The following FBXL20 variants were observed in gnomAD, a reference collection of about 807,000 sequenced individuals.
The protein encoded by FBXL20 is F-box/LRR-repeat protein 20.
FBXL20 carries 11 observed loss-of-function variants against 64.0 expected under a neutral mutation model. That is an observed-to-expected ratio of 0.17 (90% CI 0.11 to 0.28). FBXL20 has a LOEUF of 0.28. Ranked by LOEUF, FBXL20 falls within the 10% of genes least tolerant of loss-of-function variation. The pLI, the probability that FBXL20 is intolerant of heterozygous loss-of-function variation, is 1.00. For synonymous variants in FBXL20, 184 were observed against 189.0 expected (o/e 0.97, Z 0.22); for missense variants, 303 against 526.2 (o/e 0.58, Z 4.15).
chr17:39,392,403 G>A (rs1193350770), intron 1 of FBXL20, among the ~76,000 whole-genome samples: 11 of 137,848 alleles, frequency 8.0e-5, no homozygotes, highest in Admixed American at 1.6e-4. Context: ...TCACACCACC[G>A]AATCCCAGCC....
intron 1 of FBXL20, among the ~76,000 whole-genome samples, chr17:39,343,748 T>C (rs1041412048): frequency 6.7e-6 from 1 of 148,830 alleles, no homozygotes. Context: ...CAGTCTGGAG[T>C]ACAGTGGCAT....
chr17:39,327,264 T>G (rs1375749727), intron 2 of FBXL20, among the ~76,000 whole-genome samples: 1 of 152,142 alleles, frequency 6.6e-6, no homozygotes, highest in Non-Finnish European at 1.5e-5. Context: ...CTGAACTCAA[T>G]ATTTTCTTTG....
intron 8 of FBXL20, 152 bp from the exon 9 acceptor site, chr17:39,281,615 C>G: frequency 1.8e-6 from 1 of 548,996 alleles, no homozygotes; most frequent in Middle Eastern, 4.3e-4. Flanking sequence ...GATCATATAA[C>G]AGTATAATTC....
intron 2 of FBXL20, among the ~76,000 whole-genome samples, chr17:39,319,794 A>AATAGAGACCGG (rs1282919544): frequency 6.6e-6 from 1 of 151,912 alleles, no homozygotes; most frequent in Non-Finnish European, 1.5e-5. Context: ...TTATTTTTAA[A>AATAGAGACCGG]ATAGAGACCG....
intron 1 of FBXL20, among the ~76,000 whole-genome samples, chr17:39,344,966 C>A (rs1597809861): frequency 1.3e-5 from 2 of 152,198 alleles, no homozygotes; most frequent in East Asian, 3.9e-4. Flanking sequence ...TTAACGAGAG[C>A]CACCATTTTT....
intron 2 of FBXL20, among the ~76,000 whole-genome samples, chr17:39,339,531 T>C (rs1269835588): frequency 6.6e-6 from 1 of 152,184 alleles, no homozygotes; most frequent in African/African-American, 2.4e-5. Context: ...AATCCTGTTC[T>C]TAGAAGAGCA....
At chr17:39,379,179 C>G (rs904708843) in intron 1 of FBXL20, among the ~76,000 whole-genome samples, 1 of 149,424 alleles carries the variant, frequency 6.7e-6, no homozygotes, top group African/African-American at 2.4e-5. Context: ...TGAGCCGACT[C>G]CAGCCTGGGC....
At chr17:39,331,394 C>T (rs560929425) in intron 2 of FBXL20, among the ~76,000 whole-genome samples, 48 of 152,288 alleles carry the variant, frequency 3.2e-4, no homozygotes, top group Middle Eastern at 6.8e-3. Flanking sequence ...AGGTATCATG[C>T]TCAGCCTAAT....
chr17:39,270,983 A>G (rs1597763516), intron 10 of FBXL20, 127 bp from the exon 11 acceptor site: 3 of 728,118 alleles, frequency 4.1e-6, no homozygotes, highest in Non-Finnish European at 6.6e-6. Flanking sequence ...ATAGAATGAC[A>G]TTAACAACTA....
intron 1 of FBXL20, among the ~76,000 whole-genome samples, chr17:39,389,005 G>A (rs998132865): frequency 4.0e-5 from 6 of 149,004 alleles, no homozygotes; most frequent in South Asian, 2.1e-4. Flanking sequence ...TAGGGAGGCT[G>A]AGGCAGGAGA....
At chr17:39,349,498 G>T (rs1783970932) in intron 1 of FBXL20, among the ~76,000 whole-genome samples, 1 of 151,796 alleles carries the variant, frequency 6.6e-6, no homozygotes, top group Non-Finnish European at 1.5e-5. Flanking sequence ...TGAGGCAGGA[G>T]GATAGCTTGA....
chr17:39,282,117 C>A (rs988323730), intron 8 of FBXL20, among the ~76,000 whole-genome samples: 5 of 152,120 alleles, frequency 3.3e-5, no homozygotes, highest in African/African-American at 1.2e-4. Flanking sequence ...GTTTTAGTAA[C>A]CATTAATAAA....
At position 39,259,146 on chromosome 17, in the gene FBXL20, A is replaced by G. The variant is rs181091317; in HGVS notation, c.*2314T>C. 9.3e-4 allele frequency: 142 copies of G among 152,248 alleles called. No homozygotes were observed. The highest frequency in any genetic ancestry group is 3.2e-3 in the African/African-American group (131 of 41,544). 9.4% of individuals were successfully genotyped at this position (152,248 alleles called of 1,614,324 possible). The stretch of plus-strand genomic sequence containing the variant: ...AGACTTTATTCTTATATATGCTGGT[A>G]TAATCAGCAACTGCAGCATTAAAAC... On this transcript the variant is annotated 3_prime_UTR_variant, in exon 15 of 15. Coordinates refer to ENST00000264658, the MANE Select transcript of FBXL20 (RefSeq NM_032875.3).
intron 6 of FBXL20, among the ~76,000 whole-genome samples, 197 bp from the exon 7 acceptor site, chr17:39,285,770 T>A (rs2046983675): frequency 6.6e-6 from 1 of 152,184 alleles, no homozygotes; most frequent in African/African-American, 2.4e-5. Flanking sequence ...GAAAAAAGGC[T>A]GTGCTGCATA....
intron 1 of FBXL20, among the ~76,000 whole-genome samples, chr17:39,364,250 C>T (rs1206414469): frequency 6.6e-6 from 1 of 152,110 alleles, no homozygotes; most frequent in Non-Finnish European, 1.5e-5. Flanking sequence ...TTGCTTCTCC[C>T]TTCAAAAGAT....
Position 39,259,535 on chromosome 17 carries a change from G to A in FBXL20, c.*1925C>T, listed in dbSNP as rs963765747. On this transcript the variant is annotated 3_prime_UTR_variant, in exon 15 of 15. Coordinates refer to ENST00000264658, the MANE Select transcript of FBXL20 (RefSeq NM_032875.3). ...CCTCTGATTTTTTGGGAAGACAGAG[G>A]GTGCTTCTTCTTGGACTCTTGAGTC... 6.6e-6 allele frequency: 1 copy of A among 151,934 alleles called. No individual in the cohort carries two copies. Among genetic ancestry groups the A allele is most frequent in the East Asian group, 1.9e-4 (1 of 5,194 alleles). 9.4% of individuals were successfully genotyped at this position (151,934 alleles called of 1,614,324 possible).
At chr17:39,278,319 T>G (rs2046917786) in intron 9 of FBXL20, among the ~76,000 whole-genome samples, 1 of 151,942 alleles carries the variant, frequency 6.6e-6, no homozygotes, top group South Asian at 2.1e-4. Context: ...ATGGTTTTTG[T>G]ATTTTTAGTA....
At chr17:39,263,236 C>T (rs1424821709) in intron 14 of FBXL20, among the ~76,000 whole-genome samples, 3 of 151,962 alleles carry the variant, frequency 2.0e-5, no homozygotes, top group African/African-American at 4.8e-5. Context: ...TTTTTAAGGC[C>T]GGGCATGGTG....
At chr17:39,348,527 A>C (rs2047656318) in intron 1 of FBXL20, among the ~76,000 whole-genome samples, 1 of 152,128 alleles carries the variant, frequency 6.6e-6, no homozygotes, top group Non-Finnish European at 1.5e-5. Flanking sequence ...CCTGGCCTCA[A>C]GCAATCTTCC....
Sources: allele counts gnomAD v4.1 joint callset (sites outside exome capture counted in the v4.1 genomes callset), GRCh38; gene constraint gnomAD v4.1.1; transcripts MANE v1.5; gene names NCBI Gene and HGNC (gene_info 2026-07-23, HGNC 2026-07-21).